Variants in PRDM16 observed in about 807,000 individuals in gnomAD.
PRDM16 encodes PR/SET domain 16.
Under a neutral mutation model 110.6 loss-of-function variants are expected in PRDM16, and 23 were observed. That is an observed-to-expected ratio of 0.21 (90% CI 0.15 to 0.29). PRDM16 has a LOEUF of 0.29. Among genes scored for constraint, PRDM16 ranks in the 10% least tolerant of loss-of-function variants. The pLI, the probability that PRDM16 is intolerant of heterozygous loss-of-function variation, is 1.00. For missense variants in PRDM16, 1,615 were observed against 1,794.3 expected (o/e 0.90, Z 1.81); for synonymous variants, 799 against 781.8 (o/e 1.02, Z -0.37).
intron 1 of PRDM16, among the ~76,000 whole-genome samples, chr1:3,114,492 G>T (rs115656545): frequency 6.9e-6 from 1 of 145,754 alleles, no homozygotes; most frequent in Non-Finnish European, 1.5e-5. Context: ...ACGCACGCAC[G>T]CACACACGCG....
In PRDM16 at chr1:3,404,597, G is replaced by C. The variant is rs941591889; in HGVS notation, c.885-142G>C. The C allele has an allele frequency of 5.9e-6, 6 of 1,010,916 alleles. No individual in the cohort carries two copies. In the African/African-American group the frequency reaches 9.9e-5, roughly 17 times the overall value. 62.6% of individuals were successfully genotyped at this position (1,010,916 alleles called of 1,614,324 possible). On this transcript the variant is annotated intron_variant, in intron 6 of 16. Transcript: ENST00000270722. ...CCACGGCAGAGAGGAGGTGGGCAGG[G>C]AGACACCAGCATGTGCTCTGATCCC... is the stretch of plus-strand genomic sequence containing the variant.
At position 3,190,813 on chromosome 1, in the gene PRDM16, G is replaced by A. The variant is rs1638292563; in HGVS notation, c.387+4339G>A. Among the ~76,000 whole-genome samples, 6 of 152,242 alleles carry A rather than the reference G, an allele frequency of 3.9e-5. No homozygotes were observed. The highest frequency in any genetic ancestry group is 3.9e-4 in the Admixed American group (6 of 15,288). On this transcript the variant is annotated intron_variant, in intron 2 of 16. Transcript: ENST00000270722. This position sits in a 1 kb window ranked among gnomAD's most constrained non-coding sequence, Gnocchi z 5.0. ...AAACAATGATTTTCACATTTGTTGA[G>A]TAAATCATGACATTTATCATCATGC...
At chr1:3,378,543 C>T (rs1465388726) in intron 3 of PRDM16, among the ~76,000 whole-genome samples, 1 of 152,154 alleles carries the variant, frequency 6.6e-6, no homozygotes, top group East Asian at 1.9e-4. Flanking sequence ...GCCCTGTCTC[C>T]AGGGGCCTCC....
intron 1 of PRDM16, among the ~76,000 whole-genome samples, chr1:3,130,607 C>T (rs549287692): frequency 4.8e-4 from 73 of 152,284 alleles, no homozygotes; most frequent in African/African-American, 1.6e-3. Context: ...GCTGATGCTT[C>T]ATGCGCCCCA....
intron 3 of PRDM16, among the ~76,000 whole-genome samples, chr1:3,366,220 T>C (rs1642811894): frequency 6.6e-6 from 1 of 152,250 alleles, no homozygotes; most frequent in South Asian, 2.1e-4. Flanking sequence ...TTCCTGCCAC[T>C]GAGCACGACC....
At chr1:3,417,686 A>G (rs1638306904) in intron 10 of PRDM16, 142 bp from the exon 11 acceptor site, 2 of 753,860 alleles carry the variant, frequency 2.7e-6, no homozygotes, top group African/African-American at 3.6e-5. Flanking sequence ...CCAGGGTCCA[A>G]GAAAATACTA....
intron 3 of PRDM16, among the ~76,000 whole-genome samples, chr1:3,324,249 C>A (rs1398536884): frequency 6.6e-6 from 1 of 152,082 alleles, no homozygotes; most frequent in Admixed American, 6.5e-5. Context: ...GCACTAGGAG[C>A]CCCAAGGAGG....
intron 3 of PRDM16, among the ~76,000 whole-genome samples, chr1:3,283,563 G>C (rs74050826): frequency 6.6e-6 from 1 of 152,100 alleles, no homozygotes; most frequent in African/African-American, 2.4e-5. Context: ...GACGGACAGC[G>C]AAGGGTTACG....
At chr1:3,262,942 T>G (rs757522545) in intron 3 of PRDM16, among the ~76,000 whole-genome samples, 4 of 152,170 alleles carry the variant, frequency 2.6e-5, no homozygotes, top group African/African-American at 9.7e-5. Flanking sequence ...AGCCAAGCAC[T>G]GGATCCTTGA....
intron 5 of PRDM16, among the ~76,000 whole-genome samples, chr1:3,398,971 G>C (rs768178607): frequency 6.6e-6 from 1 of 152,238 alleles, no homozygotes; most frequent in Non-Finnish European, 1.5e-5. Flanking sequence ...GCCGTCCCGG[G>C]GCTGGACACA....
At chr1:3,203,684 G>T (rs1478258269) in intron 2 of PRDM16, among the ~76,000 whole-genome samples, 1 of 152,202 alleles carries the variant, frequency 6.6e-6, no homozygotes, top group Non-Finnish European at 1.5e-5. Context: ...CTTCCTGCGT[G>T]TGTGTCTGTG....
chr1:3,376,478 C>A (rs926443532), intron 3 of PRDM16, among the ~76,000 whole-genome samples: 9 of 152,110 alleles, frequency 5.9e-5, no homozygotes, highest in African/African-American at 2.2e-4. Context: ...ACCCTGGGAC[C>A]CTGGCCCTCA....
intron 12 of PRDM16, among the ~76,000 whole-genome samples, chr1:3,420,170 T>G (rs893049694): frequency 6.6e-6 from 1 of 152,200 alleles, no homozygotes; most frequent in Non-Finnish European, 1.5e-5. Flanking sequence ...TTGGTAACAA[T>G]AATTGCTTTG....
chr1:3,311,434 C>T lies in PRDM16; in HGVS notation c.438+67297C>T, dbSNP rs938528876. ...CCGCTCTGTCCTGTGCCCTCTGCTC[C>T]GAGGCACCAATCTGGCCCCGCCATG... On this transcript the variant is annotated intron_variant, in intron 3 of 16. Coordinates refer to ENST00000270722, the MANE Select transcript of PRDM16 (RefSeq NM_022114.4). 1.4e-3 allele frequency among the ~76,000 whole-genome samples: 214 copies of T among 152,272 alleles called. 1 individual carries two copies. The highest frequency in any genetic ancestry group is 4.4e-4 in the Non-Finnish European group (30 of 68,014).
chr1:3,394,151 G>C (rs993193261), intron 4 of PRDM16, among the ~76,000 whole-genome samples: 3 of 152,096 alleles, frequency 2.0e-5, no homozygotes, highest in African/African-American at 7.2e-5. Context: ...CTTCCGCAGC[G>C]CCGCGGATCA....
chr1:3,074,811 C>T (rs926732689), intron 1 of PRDM16, among the ~76,000 whole-genome samples: 5 of 152,216 alleles, frequency 3.3e-5, no homozygotes, highest in African/African-American at 7.2e-5. Flanking sequence ...CTCCACCCAC[C>T]GCCCAGCAGT....
In PRDM16 at chr1:3,426,172, A is replaced by C; in HGVS notation, c.3231A>C (p.Arg1077Ser). ...EKEDSYFSEI[R>S]NFIANSEMNQ... Reference sequence around the variant, plus strand: ...AAGACTCTTATTTCTCGGAAATCAGAAACTTTATTGCCAATAGTGAGATGA... The same window carrying C: ...AAGACTCTTATTTCTCGGAAATCAGCAACTTTATTGCCAATAGTGAGATGA... The change falls in exon 14 of 17, where the codon AGA becomes AGC. Residue 1077 changes from arginine (R) to serine (S), a missense_variant. Arg to Ser is a moderately radical substitution (Grantham distance 110, BLOSUM62 -1). Transcript: ENST00000270722. 6.2e-7 allele frequency: 1 copy of C among 1,613,992 alleles called. No homozygotes were observed.
intron 3 of PRDM16, among the ~76,000 whole-genome samples, chr1:3,341,959 A>G (rs1642281578): frequency 6.6e-6 from 1 of 152,232 alleles, no homozygotes; most frequent in South Asian, 2.1e-4. Context: ...GCTTCTTGGG[A>G]GGTAACCCCA....
chr1:3,345,825 T>C (rs1455166166), intron 3 of PRDM16, among the ~76,000 whole-genome samples: 2 of 74,400 alleles, frequency 2.7e-5, no homozygotes, highest in East Asian at 3.9e-4. Flanking sequence ...TGCTGCCCTC[T>C]CGGGTCCTCC....
Sources: gnomAD v4.1 joint callset for allele counts (sites outside exome capture counted in the v4.1 genomes callset) on GRCh38, gnomAD v4.1.1 for gene constraint, Gnocchi (gnomAD v3.1) non-coding constraint, MANE v1.5 for transcripts, NCBI Gene and HGNC (gene_info 2026-07-23, HGNC 2026-07-21) for gene names.